The following ENC1 variants were observed in gnomAD, a reference collection of about 807,000 sequenced individuals.
ENC1 encodes ectoderm-neural cortex protein 1.
A neutral mutation model predicts 40.9 loss-of-function variants in ENC1; 19 were observed. The ratio of observed to expected loss-of-function variants is 0.46; its 90% CI spans 0.32 to 0.68. The LOEUF is 0.68. Ranked by LOEUF, ENC1 falls within the 30% of genes least tolerant of loss-of-function variation. The pLI, the probability that ENC1 is intolerant of heterozygous loss-of-function variation, is 0.03. For missense variants in ENC1, 479 were observed against 737.5 expected (o/e 0.65, Z 4.06); for synonymous variants, 285 against 291.1 (o/e 0.98, Z 0.21).
chr5:74,628,872 T>C lies in ENC1; in HGVS notation c.*1153A>G, dbSNP rs758520756. On this transcript the variant is annotated 3_prime_UTR_variant, in exon 3 of 3. Transcript: ENST00000302351. ...GGACAATGCCTTTACTTGTGCCCTA[T>C]ATACAGAACTATTCCATAGAATTTT... The C allele has an allele frequency of 2.0e-5, 3 of 152,220 alleles. No individual in the cohort carries two copies. Among genetic ancestry groups the C allele is most frequent in the Non-Finnish European group, 2.9e-5 (2 of 68,046 alleles). 9.4% of individuals were successfully genotyped at this position (152,220 alleles called of 1,614,324 possible).
chr5:74,637,390 A>G (rs542379605), intron 1 of ENC1: 1 of 152,298 alleles, frequency 6.6e-6, no homozygotes, highest in Non-Finnish European at 1.5e-5. Context: ...CAGCTCTACC[A>G]CTGAAGAGTC....
At chr5:74,631,255 A>C (rs536856684) in intron 2 of ENC1, among the ~76,000 whole-genome samples, 224 of 152,292 alleles carry the variant, frequency 1.5e-3, no homozygotes, top group Middle Eastern at 3.4e-3. Flanking sequence ...TTGAGGCCAC[A>C]CGGCACCATG....
chr5:74,630,996 G>T (rs777393623), intron 2 of ENC1, among the ~76,000 whole-genome samples: 2 of 151,998 alleles, frequency 1.3e-5, no homozygotes, highest in Admixed American at 1.3e-4. Context: ...CTTAGACTAC[G>T]GTGTCATTGC....
intron 1 of ENC1, among the ~76,000 whole-genome samples, chr5:74,639,495 C>CTTAG (rs781156861): frequency 1.3e-5 from 2 of 152,238 alleles, no homozygotes; most frequent in Non-Finnish European, 2.9e-5. Flanking sequence ...GCCTCCAATG[C>CTTAG]TTAGCGTCCC....
chr5:74,634,912 G>C lies in ENC1; in HGVS notation c.1574C>G (p.Thr525Arg). ...AGCATGGCAGCTCATGCGCTTTGCT[G>C]TCACATCTCCCACCTTGGTCCACTG... is the stretch of plus-strand genomic sequence containing the variant. ...TYQWTKVGDV[T>R]AKRMSCHAVA... Residue 525 changes from threonine to arginine, a missense_variant, in exon 2 of 3, where the codon ACA (threonine) becomes AGA (arginine). By Grantham distance (71) the Thr-to-Arg change is moderately conservative. Transcript: ENST00000302351. 1 of 1,614,164 alleles carries C rather than the reference G, an allele frequency of 6.2e-7. No homozygotes were observed. Among genetic ancestry groups the C allele is most frequent in the Admixed American group, 1.7e-5 (1 of 60,032 alleles).
Position 74,634,829 on chromosome 5 carries a change from T to A in ENC1, c.1657A>T (p.Lys553Ter). ...VGGYFGIQRC[K>*]TLDCYDPTLD... ...GTTGGATCGTAGCAGTCCAAAGTCT[T>A]GCATCGCTGAATGCCAAAGTATCCT... The change falls in exon 2 of 3, where the codon AAG (lysine) becomes TAG (stop). Residue 553 changes from lysine to a stop codon, truncating the protein, a stop_gained. Coordinates refer to ENST00000302351, the MANE Select transcript of ENC1 (RefSeq NM_003633.4). LOFTEE classifies it high-confidence loss of function. The A allele has an allele frequency of 6.2e-7, 1 of 1,614,158 alleles. No homozygotes were observed. Among genetic ancestry groups the A allele is most frequent in the Non-Finnish European group, 8.5e-7 (1 of 1,179,984 alleles).
At chr5:74,638,831 A>G (rs925628066) in intron 1 of ENC1, among the ~76,000 whole-genome samples, 2 of 152,240 alleles carry the variant, frequency 1.3e-5, no homozygotes, top group African/African-American at 2.4e-5. Context: ...AGGAAGAATG[A>G]GGCTCCCTGA....
chr5:74,637,568 T>C (rs908393141), intron 1 of ENC1: 2 of 152,258 alleles, frequency 1.3e-5, no homozygotes, highest in Non-Finnish European at 2.9e-5. Context: ...AGCATACTTA[T>C]GACTGCTGTT....
Position 74,633,659 on chromosome 5 carries a change from T to C in ENC1, c.*32+1025A>G, listed in dbSNP as rs537710494. Among the ~76,000 whole-genome samples the C allele has an allele frequency of 5.3e-5, 8 of 152,370 alleles. No homozygotes were observed. The South Asian group carries it at 1.7e-3, about 32-fold the overall frequency. ...ACAAAGGGTTTGAGGAAGCAAAATT[T>C]GAATATAAATGAAGTATCACCTGGG... On this transcript the variant is annotated intron_variant, in intron 2 of 2. Transcript: ENST00000302351.
At chr5:74,633,057 G>T (rs1207946463) in intron 2 of ENC1, among the ~76,000 whole-genome samples, 2 of 152,168 alleles carry the variant, frequency 1.3e-5, no homozygotes, top group African/African-American at 4.8e-5. Flanking sequence ...AGAGCCAAAA[G>T]TTCCCAAGTA....
chr5:74,634,986 A>G lies in ENC1; in HGVS notation c.1500T>C (p.Asp500=), dbSNP rs748480145. The change falls in exon 2 of 3, where the codon GAT becomes GAC. Residue 500 remains aspartate (D), a synonymous_variant. Transcript: ENST00000302351. ...AAGCAGAGCAGGCAGAGAATTCTGT[A>G]TCACCCCCCATAATAAAAATCTGGT... ...LGNQIFIMGG[D]TEFSACSAYK... is the part of the protein sequence containing the mutation. The G allele has an allele frequency of 3.7e-6, 6 of 1,614,178 alleles. No individual in the cohort carries two copies. In the South Asian group the frequency reaches 5.5e-5, roughly 15 times the overall value.
intron 1 of ENC1, among the ~76,000 whole-genome samples, chr5:74,639,696 G>A (rs1321562819): frequency 6.6e-6 from 1 of 151,604 alleles, no homozygotes; most frequent in Non-Finnish European, 1.5e-5. Flanking sequence ...ATGCCTGTGT[G>A]ACACCAAACC....
At chr5:74,639,195 G>C (rs1209784859) in intron 1 of ENC1, among the ~76,000 whole-genome samples, 1 of 152,218 alleles carries the variant, frequency 6.6e-6, no homozygotes, top group Non-Finnish European at 1.5e-5. Flanking sequence ...AACCCAAGAG[G>C]AAATACTTGC....
At position 74,628,083 on chromosome 5, in the gene ENC1, T is replaced by G. The variant is rs181949080; in HGVS notation, c.*1942A>C. The G allele has an allele frequency of 2.0e-5, 3 of 152,534 alleles. No homozygotes were observed. Among genetic ancestry groups the G allele is most frequent in the Non-Finnish European group, 2.9e-5 (2 of 68,042 alleles). The allele number at this position is 152,534 out of a possible 1,614,324, so 9.4% of individuals were successfully genotyped here. A position where few individuals can be genotyped will look rare whatever the true frequency, so the allele number is the denominator to read the frequency against. On this transcript the variant is annotated 3_prime_UTR_variant, in exon 3 of 3. Coordinates refer to ENST00000302351, the MANE Select transcript of ENC1 (RefSeq NM_003633.4). Reference sequence around the variant, plus strand: ...GTAACTGCTACAATATAAACGACACTGACTATGCCCACTGGGGGACAATTA... The same window carrying G: ...GTAACTGCTACAATATAAACGACACGGACTATGCCCACTGGGGGACAATTA...
At chr5:74,638,301 C>T (rs1297816996) in intron 1 of ENC1, among the ~76,000 whole-genome samples, 1 of 152,186 alleles carries the variant, frequency 6.6e-6, no homozygotes, top group Non-Finnish European at 1.5e-5. Flanking sequence ...GATGTGAGCC[C>T]CACTATAAGA....
chr5:74,634,469 A>G (rs1747501896), intron 2 of ENC1, among the ~76,000 whole-genome samples: 1 of 152,172 alleles, frequency 6.6e-6, no homozygotes, highest in Non-Finnish European at 1.5e-5. Context: ...TCTGAGGCTC[A>G]GTAAAAGCTG....
chr5:74,632,523 C>T (rs985635118), intron 2 of ENC1, among the ~76,000 whole-genome samples: 2 of 152,016 alleles, frequency 1.3e-5, no homozygotes, highest in Admixed American at 6.6e-5. Flanking sequence ...GATAACTGTA[C>T]GAAGGCTGGA....
rs1331142976 is a variant in ENC1 at position 74,636,913 on chromosome 5, C to T, written c.-13-415G>A. Among the ~76,000 whole-genome samples the T allele has an allele frequency of 6.6e-6, 1 of 152,216 alleles. No homozygotes were observed. Among genetic ancestry groups the T allele is most frequent in the Non-Finnish European group, 1.5e-5 (1 of 68,036 alleles). On this transcript the variant is annotated intron_variant, in intron 1 of 2. Coordinates refer to ENST00000302351, the MANE Select transcript of ENC1 (RefSeq NM_003633.4). This position sits in a 1 kb window ranked among gnomAD's most constrained non-coding sequence, Gnocchi z 4.8. ...CGGGCCACTTAAAATGCCAGGTCTC[C>T]TGCTCTTATAATGCCAGGATGGGCA...
intron 2 of ENC1, among the ~76,000 whole-genome samples, chr5:74,634,049 TA>T (rs1327977617): frequency 6.6e-6 from 1 of 152,132 alleles, no homozygotes; most frequent in African/African-American, 2.4e-5. Context: ...GGAAACTTTT[TA>T]AAAATACTGA....
Sources: allele counts gnomAD v4.1 joint callset (sites outside exome capture counted in the v4.1 genomes callset), GRCh38; gene constraint gnomAD v4.1.1; non-coding constraint Gnocchi (gnomAD v3.1); transcripts MANE v1.5; gene names NCBI Gene and HGNC (gene_info 2026-07-23, HGNC 2026-07-21).